Variants in TLL2 observed in about 807,000 individuals in gnomAD.
TLL2 encodes the protein tolloid-like protein 2.
In TLL2, 106 loss-of-function variants were observed where a neutral mutation model predicts 123.0. That is an observed-to-expected ratio of 0.86 (90% CI 0.74 to 1.01). The LOEUF (loss-of-function observed/expected upper bound fraction) is 1.01, where lower values mean the gene tolerates loss of function less well. Among genes scored for constraint, TLL2 ranks in the 50% least tolerant of loss-of-function variants. The probability of loss-of-function intolerance (pLI) is 0.00; values close to 1 mark genes in which losing one functional copy is unlikely to be tolerated. For missense variants in TLL2, 1,332 were observed against 1,336.7 expected (o/e 1.00, Z 0.06); for synonymous variants, 494 against 516.8 (o/e 0.96, Z 0.60).
At chr10:96,509,882 G>C (rs1189318757) in intron 1 of TLL2, among the ~76,000 whole-genome samples, 2 of 152,232 alleles carry the variant, frequency 1.3e-5, no homozygotes, top group South Asian at 4.1e-4. Context: ...GGGAGGCGGA[G>C]CTTGCAGTGA....
chr10:96,478,954 A>T (rs955610078), intron 2 of TLL2, among the ~76,000 whole-genome samples: 2 of 152,202 alleles, frequency 1.3e-5, no homozygotes, highest in Non-Finnish European at 2.9e-5. Flanking sequence ...CCATCAAAAA[A>T]GTTTTAAAAC....
rs1488355049 is a variant in TLL2, at chr10:96,368,168, C to G, written c.2968G>C (p.Asp990His). 1 of 1,614,212 alleles carries G rather than the reference C, an allele frequency of 6.2e-7. No individual in the cohort carries two copies. Among genetic ancestry groups the G allele is most frequent in the East Asian group, 2.2e-5 (1 of 44,880 alleles). Residue 990 changes from aspartate (D) to histidine (H), a missense_variant, in exon 21 of 21, where the codon GAT becomes CAT. Coordinates refer to ENST00000357947, the MANE Select transcript of TLL2 (RefSeq NM_012465.4). ...AAGCCTTTCTTGTTGATGGTGTCAT[C>G]TGTGCGGAATCGAATCATCAGGGAA... The part of the protein sequence containing the change: ...GDSLMIRFRT[D>H]DTINKKGFHA...
chr10:96,396,549 C>A (rs1846342691), intron 11 of TLL2, among the ~76,000 whole-genome samples: 1 of 151,566 alleles, frequency 6.6e-6, no homozygotes, highest in Non-Finnish European at 1.5e-5. Flanking sequence ...GGCCAAAGGA[C>A]CCTTGGTAAT....
intron 2 of TLL2, among the ~76,000 whole-genome samples, chr10:96,460,298 A>T (rs764076121): frequency 9.2e-5 from 14 of 152,230 alleles, no homozygotes; most frequent in Non-Finnish European, 1.8e-4. Flanking sequence ...AATTTAGTAG[A>T]TGCTATATAT....
intron 10 of TLL2, among the ~76,000 whole-genome samples, chr10:96,403,807 T>A (rs1846420758): frequency 6.6e-6 from 1 of 152,202 alleles, no homozygotes; most frequent in Non-Finnish European, 1.5e-5. Context: ...AAAACCCGAT[T>A]GTACATTTGT....
intron 5 of TLL2, among the ~76,000 whole-genome samples, chr10:96,427,494 C>G (rs1178692483): frequency 1.3e-5 from 2 of 152,174 alleles, no homozygotes; most frequent in Non-Finnish European, 2.9e-5. Context: ...TTTTATGACT[C>G]TTGATGCTAT....
rs1846028130 is a variant in TLL2 at position 96,366,501 on chromosome 10, A to G, written c.*1587T>C. 1 of 152,678 alleles carries G rather than the reference A, an allele frequency of 6.5e-6. No individual in the cohort carries two copies. The highest frequency in any genetic ancestry group is 6.5e-5 in the Admixed American group (1 of 15,290). 9.5% of individuals were successfully genotyped at this position (152,678 alleles called of 1,614,324 possible). A position where few individuals can be genotyped will look rare whatever the true frequency, so the allele number is the denominator to read the frequency against. Reference sequence around the variant, plus strand: ...CTTTAATTTTTTTCTGTTTTAAGGAAAAAATATTCCCATGCATTTCTCTGA... The same window carrying G: ...CTTTAATTTTTTTCTGTTTTAAGGAGAAAATATTCCCATGCATTTCTCTGA... On this transcript the variant is annotated 3_prime_UTR_variant, in exon 21 of 21. Transcript: ENST00000357947.
chr10:96,455,060 C>A (rs575346967), intron 2 of TLL2, among the ~76,000 whole-genome samples: 2 of 152,028 alleles, frequency 1.3e-5, no homozygotes, highest in Non-Finnish European at 2.9e-5. Context: ...TGTGAGATAT[C>A]AAATAGCAGT....
chr10:96,469,367 G>GT (rs1847157085), intron 2 of TLL2, among the ~76,000 whole-genome samples: 1 of 152,262 alleles, frequency 6.6e-6, no homozygotes, highest in Non-Finnish European at 1.5e-5. Flanking sequence ...ACAAGAACCA[G>GT]TCGCTCTTGC....
chr10:96,412,726 G>T (rs975151985), intron 8 of TLL2, among the ~76,000 whole-genome samples: 2 of 152,124 alleles, frequency 1.3e-5, no homozygotes, highest in African/African-American at 4.8e-5. Flanking sequence ...CCTCCACCTT[G>T]TAGCATTTGG....
chr10:96,370,400 G>A (rs1261268589), intron 19 of TLL2, 85 bp from the exon 20 acceptor site: 2 of 1,466,450 alleles, frequency 1.4e-6, no homozygotes, highest in Non-Finnish European at 1.8e-6. Context: ...TCTCTACAGA[G>A]CCTGGTGCGT....
At chr10:96,441,696 C>T (rs1006096278) in intron 3 of TLL2, among the ~76,000 whole-genome samples, 5 of 152,114 alleles carry the variant, frequency 3.3e-5, no homozygotes, top group Non-Finnish European at 7.3e-5. Flanking sequence ...GGTGGTGACC[C>T]AGGTAATGAA....
At chr10:96,421,742 C>G (rs1846626167) in intron 6 of TLL2, among the ~76,000 whole-genome samples, 1 of 151,542 alleles carries the variant, frequency 6.6e-6, no homozygotes, top group Non-Finnish European at 1.5e-5. Context: ...GAGGCTGAGG[C>G]AGGAGAATCC....
intron 1 of TLL2, among the ~76,000 whole-genome samples, chr10:96,512,241 C>A (rs1475688795): frequency 6.6e-6 from 1 of 152,218 alleles, no homozygotes; most frequent in African/African-American, 2.4e-5. Flanking sequence ...TTACCCAGTT[C>A]TGACCCTCCC....
chr10:96,412,233 T>C (rs979263254), intron 8 of TLL2, among the ~76,000 whole-genome samples: 4 of 152,204 alleles, frequency 2.6e-5, no homozygotes. Context: ...CGCAGCCCTT[T>C]GCATCCCTCG....
At chr10:96,391,425 C>T (rs1885682) in intron 13 of TLL2, among the ~76,000 whole-genome samples, 54,167 of 151,998 alleles carry the variant, frequency 0.36, 10,972 homozygotes, top group Non-Finnish European at 0.47. Context: ...TCTGTGGTAT[C>T]GGGAAGGTAG....
At chr10:96,479,234 A>G (rs919881713) in intron 2 of TLL2, among the ~76,000 whole-genome samples, 2 of 152,300 alleles carry the variant, frequency 1.3e-5, no homozygotes, top group Admixed American at 1.3e-4. Flanking sequence ...AGAAATCCTA[A>G]AGTACATAAT....
At chr10:96,498,789 G>A (rs942016130) in intron 1 of TLL2, among the ~76,000 whole-genome samples, 15 of 152,204 alleles carry the variant, frequency 9.9e-5, no homozygotes, top group African/African-American at 1.4e-4. Context: ...TCTGCATACC[G>A]TCTTGACCAT....
intron 2 of TLL2, among the ~76,000 whole-genome samples, chr10:96,467,637 T>C (rs1847143285): frequency 6.6e-6 from 1 of 152,210 alleles, no homozygotes; most frequent in African/African-American, 2.4e-5. Flanking sequence ...GAAAATGTAT[T>C]GGAGGCTACA....
Sources: gnomAD v4.1 joint callset for allele counts (sites outside exome capture counted in the v4.1 genomes callset) on GRCh38, gnomAD v4.1.1 for gene constraint, MANE v1.5 for transcripts, NCBI Gene and HGNC (gene_info 2026-07-23, HGNC 2026-07-21) for gene names.